RPH3A: variants seen among roughly 807,000 people sequenced by gnomAD.
RPH3A encodes the protein rabphilin-3A.
RPH3A carries 48 observed loss-of-function variants against 102.2 expected under a neutral mutation model. The ratio of observed to expected loss-of-function variants is 0.47; its 90% CI spans 0.37 to 0.60. RPH3A has a LOEUF of 0.60. Among genes scored for constraint, RPH3A ranks in the 20% least tolerant of loss-of-function variants. The pLI is 0.00. For synonymous variants in RPH3A, 310 were observed against 324.3 expected (o/e 0.96, Z 0.47); for missense variants, 781 against 910.1 (o/e 0.86, Z 1.83).
intron 1 of RPH3A, among the ~76,000 whole-genome samples, chr12:112,713,103 T>TTCTTCTTCTTCTTCTTCTTCTTCTTCTTC (rs2040491497): frequency 8.3e-6 from 1 of 119,870 alleles, no homozygotes; most frequent in African/African-American, 3.1e-5. Context: ...TCTTCTTCTT[T>TTCTTCTTCTTCTTCTTCTTCTTCTTCTTC]TATTTTTTTG....
intron 1 of RPH3A, among the ~76,000 whole-genome samples, chr12:112,600,660 A>T (rs775518831): frequency 1.5e-4 from 23 of 152,074 alleles, no homozygotes; most frequent in Non-Finnish European, 2.9e-4. Flanking sequence ...GAAGTTCCAA[A>T]CTTTCCCACG....
Position 112,743,584 on chromosome 12 carries a change from T to C in RPH3A, c.-139-48559T>C, listed in dbSNP as rs141337211. 4.7e-3 allele frequency among the ~76,000 whole-genome samples: 711 copies of C among 152,240 alleles called. 3 individuals carry two copies. The highest frequency in any genetic ancestry group is 0.015 in the African/African-American group (637 of 41,536). On this transcript the variant is annotated intron_variant, in intron 1 of 21. Coordinates refer to the RPH3A transcript ENST00000543106. The stretch of plus-strand genomic sequence containing the variant: ...CAGCCTCATGGGGAATCGCACAGGG[T>C]AGGCGCTCGGTAAATGTTGTGGCTC...
chr12:112,719,109 G>A (rs1244924939), intron 1 of RPH3A, among the ~76,000 whole-genome samples: 1 of 152,172 alleles, frequency 6.6e-6, no homozygotes, highest in Non-Finnish European at 1.5e-5. Flanking sequence ...GTAGAAGAAA[G>A]CTGCTAAATA....
intron 7 of RPH3A, 122 bp from the exon 8 acceptor site, chr12:112,868,308 G>A (rs1305517638): frequency 4.2e-6 from 4 of 952,970 alleles, no homozygotes; most frequent in Non-Finnish European, 6.3e-6. Context: ...AATAATAAAA[G>A]TGTGCTGGCT....
At chr12:112,787,822 T>C (rs1275165492), upstream of RPH3A, among the ~76,000 whole-genome samples, 2 of 152,248 alleles carry the variant, frequency 1.3e-5, no homozygotes, top group African/African-American at 2.4e-5. Flanking sequence ...GTAGCATTTG[T>C]TGCTGTAGCT....
intron 1 of RPH3A, among the ~76,000 whole-genome samples, chr12:112,691,604 C>G (rs1566261182): frequency 1.3e-5 from 2 of 152,206 alleles, no homozygotes; most frequent in Non-Finnish European, 2.9e-5. Context: ...TGAATCCTAG[C>G]TCAACTGGAC....
chr12:112,678,299 A>AGAGAG lies in RPH3A; in HGVS notation c.-140+102980_-140+102981insGAGAG, dbSNP rs1389109730. Among the ~76,000 whole-genome samples the AGAGAG allele has an allele frequency of 6.3e-4, 26 of 41,366 alleles. 1 individual carries two copies. Among genetic ancestry groups the AGAGAG allele is most frequent in the African/African-American group, 1.5e-3 (15 of 9,988 alleles). The allele number at this position is 41,366 out of a possible 152,430, so 27.1% of individuals were successfully genotyped here. ...AAAGAAAGAAAGAAAGAAAGAAAGA[A>AGAGAG]AGAAAGAGAGAGAGAGAGAAAGAAA... On this transcript the variant is annotated intron_variant, in intron 1 of 21. Transcript: ENST00000543106.
chr12:112,745,862 G>A (rs1489728016), intron 1 of RPH3A, among the ~76,000 whole-genome samples: 3 of 152,124 alleles, frequency 2.0e-5, no homozygotes, highest in Non-Finnish European at 2.9e-5. Context: ...TTCCAATTCT[G>A]TGGTTTCCTG....
Position 112,896,812 on chromosome 12 carries a change from G to C in RPH3A, c.*32G>C. On this transcript the variant is annotated 3_prime_UTR_variant, in exon 22 of 22. Coordinates refer to ENST00000389385, the MANE Select transcript of RPH3A (RefSeq NM_001143854.2). Reference sequence around the variant, plus strand: ...GCCCAGGTCCCCATCTCCATGTCCCGGGTCCCCCCCAGCCTGCTCTAGCTG... The same window carrying C: ...GCCCAGGTCCCCATCTCCATGTCCCCGGTCCCCCCCAGCCTGCTCTAGCTG... 1 of 1,612,202 alleles carries C rather than the reference G, an allele frequency of 6.2e-7. No individual in the cohort carries two copies. The highest frequency in any genetic ancestry group is 8.5e-7 in the Non-Finnish European group (1 of 1,179,248).
intron 1 of RPH3A, among the ~76,000 whole-genome samples, chr12:112,628,205 AG>A (rs1437932102): frequency 6.6e-6 from 1 of 152,052 alleles, no homozygotes; most frequent in Non-Finnish European, 1.5e-5. Flanking sequence ...AGAGATCAGG[AG>A]AAAGTTCGAG....
chr12:112,610,857 C>T (rs1262349526), intron 1 of RPH3A, among the ~76,000 whole-genome samples: 1 of 152,118 alleles, frequency 6.6e-6, no homozygotes, highest in Non-Finnish European at 1.5e-5. Flanking sequence ...AGGATGGTCT[C>T]GATCTCCTGA....
At chr12:112,852,089 T>A (rs1446363124) in intron 5 of RPH3A, among the ~76,000 whole-genome samples, 1 of 152,216 alleles carries the variant, frequency 6.6e-6, no homozygotes, top group Non-Finnish European at 1.5e-5. Context: ...TCAGCTGCAT[T>A]CAGTCAGTGG....
intron 1 of RPH3A, among the ~76,000 whole-genome samples, chr12:112,701,295 T>TG (rs1347119054): frequency 6.6e-6 from 1 of 152,070 alleles, no homozygotes; most frequent in Non-Finnish European, 1.5e-5. Flanking sequence ...TAATGATAGA[T>TG]GGGGGTGTGA....
chr12:112,831,805 T>G (rs1365443843), intron 3 of RPH3A: 1 of 455,842 alleles, frequency 2.2e-6, no homozygotes, highest in African/African-American at 2.0e-5. Flanking sequence ...CTGTTAAGAG[T>G]CTTAAGCCAA....
chr12:112,856,562 A>G (rs1467853170), intron 5 of RPH3A, among the ~76,000 whole-genome samples: 1 of 151,862 alleles, frequency 6.6e-6, no homozygotes, highest in African/African-American at 2.4e-5. Flanking sequence ...CTGTGGATAT[A>G]TATGTGTGGA....
At chr12:112,723,487 C>G (rs374736884) in intron 1 of RPH3A, among the ~76,000 whole-genome samples, 2 of 152,202 alleles carry the variant, frequency 1.3e-5, no homozygotes, top group African/African-American at 4.8e-5. Context: ...CTGCAGACCT[C>G]AATCCAAGAT....
chr12:112,592,693 C>T (rs1048214538), intron 1 of RPH3A, among the ~76,000 whole-genome samples: 3 of 152,350 alleles, frequency 2.0e-5, no homozygotes, highest in Middle Eastern at 3.4e-3. Flanking sequence ...CCTGCAGATA[C>T]TGATGGCCGA....
At chr12:112,714,102 A>G (rs982108727) in intron 1 of RPH3A, among the ~76,000 whole-genome samples, 4 of 152,138 alleles carry the variant, frequency 2.6e-5, no homozygotes, top group Non-Finnish European at 5.9e-5. Flanking sequence ...ATAAGTGCTC[A>G]GAAAATGTCG....
At chr12:112,583,510 A>G (rs777043953) in intron 1 of RPH3A, among the ~76,000 whole-genome samples, 1 of 151,832 alleles carries the variant, frequency 6.6e-6, no homozygotes, top group Non-Finnish European at 1.5e-5. Flanking sequence ...GAAGAAAAGG[A>G]GGAGATTGAT....
Sources: allele counts gnomAD v4.1 joint callset (sites outside exome capture counted in the v4.1 genomes callset), GRCh38; gene constraint gnomAD v4.1.1; transcripts MANE v1.5; gene names NCBI Gene and HGNC (gene_info 2026-07-23, HGNC 2026-07-21).